KIF6: variants seen among roughly 807,000 people sequenced by gnomAD.
KIF6 encodes the protein kinesin-like protein KIF6.
In KIF6, 106 loss-of-function variants were observed where a neutral mutation model predicts 112.7. The observed-to-expected ratio is 0.94, with a 90% CI of 0.80 to 1.11. KIF6 has a LOEUF of 1.11. Ranked by LOEUF, KIF6 falls within the 50% of genes least tolerant of loss-of-function variation. The pLI, the probability that KIF6 is intolerant of heterozygous loss-of-function variation, is 0.00. For missense variants in KIF6, 929 were observed against 964.0 expected, an observed-to-expected ratio of 0.96 and a Z score of 0.48; for synonymous variants, 339 against 339.9, an observed-to-expected ratio of 1.00 and a Z score of 0.03.
At chr6:39,606,107 T>G (rs1782869397) in intron 6 of KIF6, among the ~76,000 whole-genome samples, 1 of 151,912 alleles carries the variant, frequency 6.6e-6, no homozygotes, top group Non-Finnish European at 1.5e-5. Context: ...TCAGTCACGT[T>G]TCTTCCTCTT....
intron 6 of KIF6, among the ~76,000 whole-genome samples, chr6:39,606,958 C>T (rs1782922433): frequency 6.6e-6 from 1 of 152,160 alleles, no homozygotes; most frequent in Admixed American, 6.6e-5. Flanking sequence ...CCCTCTCTCA[C>T]CATAAGTCAA....
At chr6:39,674,010 T>TA (rs1786989809) in intron 3 of KIF6, among the ~76,000 whole-genome samples, 4 of 152,138 alleles carry the variant, frequency 2.6e-5, no homozygotes, top group African/African-American at 9.7e-5. Flanking sequence ...GGTACTATTC[T>TA]TTTGGGGAAA....
chr6:39,353,138 G>T (rs1764385490), intron 19 of KIF6, among the ~76,000 whole-genome samples: 1 of 152,138 alleles, frequency 6.6e-6, no homozygotes, highest in African/African-American at 2.4e-5. Flanking sequence ...CCATCAAACT[G>T]TCTTCCAAAG....
At chr6:39,418,516 G>T (rs180955658) in intron 15 of KIF6, among the ~76,000 whole-genome samples, 9 of 152,280 alleles carry the variant, frequency 5.9e-5, no homozygotes, top group East Asian at 1.9e-4. Context: ...TAGCACAAAA[G>T]ATATTTTACA....
chr6:39,570,688 A>C (rs773218320), intron 10 of KIF6, among the ~76,000 whole-genome samples: 10 of 152,046 alleles, frequency 6.6e-5, no homozygotes, highest in Non-Finnish European at 2.9e-5. Context: ...CTTGATAATG[A>C]GTAAGTTCTC....
At chr6:39,688,144 C>G (rs1435229055) in intron 3 of KIF6, among the ~76,000 whole-genome samples, 1 of 152,168 alleles carries the variant, frequency 6.6e-6, no homozygotes, top group Non-Finnish European at 1.5e-5. Context: ...GGTGACCTTG[C>G]AGGGGAGAAT....
intron 21 of KIF6, among the ~76,000 whole-genome samples, chr6:39,345,245 G>C (rs1763611336): frequency 6.6e-6 from 1 of 152,258 alleles, no homozygotes; most frequent in South Asian, 2.1e-4. Context: ...GTCCAGGCAG[G>C]CAGGGCAGAG....
intron 3 of KIF6, among the ~76,000 whole-genome samples, chr6:39,693,715 T>C (rs759925208): frequency 1.6e-4 from 24 of 151,912 alleles, no homozygotes; most frequent in African/African-American, 3.4e-4. Flanking sequence ...GCCAGAAGGA[T>C]TTATAGCAGA....
At chr6:39,430,725 T>C (rs973085758) in intron 14 of KIF6, among the ~76,000 whole-genome samples, 5 of 152,210 alleles carry the variant, frequency 3.3e-5, no homozygotes, top group African/African-American at 1.2e-4. Context: ...CATAGACTTT[T>C]TCCCCCCTCC....
intron 13 of KIF6, among the ~76,000 whole-genome samples, chr6:39,529,943 C>T (rs1777948861): frequency 2.6e-5 from 4 of 152,232 alleles, no homozygotes; most frequent in Admixed American, 6.5e-5. Context: ...CTCTGTAATG[C>T]TTTTCTCAAC....
At chr6:39,500,977 G>A (rs1440708321) in intron 13 of KIF6, among the ~76,000 whole-genome samples, 1 of 152,118 alleles carries the variant, frequency 6.6e-6, no homozygotes, top group Non-Finnish European at 1.5e-5. Context: ...TGCAGTTTGC[G>A]GAACTCATGG....
intron 15 of KIF6, among the ~76,000 whole-genome samples, chr6:39,401,966 G>A (rs577798630): frequency 6.6e-6 from 1 of 152,266 alleles, no homozygotes; most frequent in South Asian, 2.1e-4. Context: ...GGCCTGGCTG[G>A]TATTTTGGGA....
intron 3 of KIF6, among the ~76,000 whole-genome samples, chr6:39,647,027 T>C (rs941392180): frequency 2.0e-5 from 3 of 152,246 alleles, no homozygotes; most frequent in Non-Finnish European, 4.4e-5. Flanking sequence ...TGTTTCACTT[T>C]CAGAATATCT....
chr6:39,641,137 A>T (rs1784876462), intron 3 of KIF6, among the ~76,000 whole-genome samples: 1 of 152,192 alleles, frequency 6.6e-6, no homozygotes, highest in Admixed American at 6.6e-5. Context: ...TTGATGTCCC[A>T]TTAGCAATAT....
chr6:39,622,514 G>A (rs1208387449), intron 5 of KIF6, among the ~76,000 whole-genome samples: 1 of 152,116 alleles, frequency 6.6e-6, no homozygotes, highest in African/African-American at 2.4e-5. Flanking sequence ...TAGATGGAAT[G>A]AAATAAGGGC....
At chr6:39,634,745 G>C (rs956087321) in intron 5 of KIF6, 104 bp downstream of exon 5, 1 of 771,570 alleles carries the variant, frequency 1.3e-6, no homozygotes, top group African/African-American at 1.7e-5. Context: ...TCCAGTATTT[G>C]CTAATTATGA....
At chr6:39,487,051 A>G (rs1775156069) in intron 13 of KIF6, among the ~76,000 whole-genome samples, 1 of 152,208 alleles carries the variant, frequency 6.6e-6, no homozygotes, top group African/African-American at 2.4e-5. Flanking sequence ...AAATAATACC[A>G]CAGTGTGTAT....
intron 5 of KIF6, among the ~76,000 whole-genome samples, chr6:39,631,975 C>T (rs1784373355): frequency 6.6e-6 from 1 of 151,982 alleles, no homozygotes; most frequent in African/African-American, 2.4e-5. Flanking sequence ...TGTATTTCAT[C>T]TTGGTTAAGT....
At chr6:39,439,701 CT>C (rs1447678337) in intron 13 of KIF6, among the ~76,000 whole-genome samples, 19 of 151,176 alleles carry the variant, frequency 1.3e-4, no homozygotes, top group Non-Finnish European at 1.8e-4. Context: ...TTAATGCTTT[CT>C]TTTTTTTTCA....
Sources: allele counts gnomAD v4.1 joint callset (sites outside exome capture counted in the v4.1 genomes callset), GRCh38; gene constraint gnomAD v4.1.1; transcripts MANE v1.5; gene names NCBI Gene and HGNC (gene_info 2026-07-23, HGNC 2026-07-21).